Variants in SLC45A2 observed in about 807,000 individuals in gnomAD.
The protein encoded by SLC45A2 is solute carrier family 45 member 2.
SLC45A2 carries 36 observed loss-of-function variants against 45.5 expected under a neutral mutation model. The observed-to-expected ratio is 0.79, with a 90% CI of 0.61 to 1.04. The LOEUF (loss-of-function observed/expected upper bound fraction) is 1.04, where lower values mean the gene tolerates loss of function less well. Ranked by LOEUF, SLC45A2 falls within the 50% of genes least tolerant of loss-of-function variation. The pLI is 0.00. For synonymous variants in SLC45A2, 306 were observed against 269.3 expected, an observed-to-expected ratio of 1.14 and a Z score of -1.33; for missense variants, 719 against 671.0, an observed-to-expected ratio of 1.07 and a Z score of -0.79.
Position 33,954,355 on chromosome 5 carries a change from C to A in SLC45A2, c.1032+6G>T, listed in dbSNP as rs376146840. 3 of 1,613,872 alleles carry A rather than the reference C, an allele frequency of 1.9e-6. No individual in the cohort carries two copies. The African/African-American group carries it at 4.0e-5, about 22-fold the overall frequency. On this transcript the variant is annotated splice_donor_region_variant and intron_variant, in intron 4 of 6. Coordinates refer to ENST00000296589, the MANE Select transcript of SLC45A2 (RefSeq NM_016180.5). Reference sequence around the variant, plus strand: ...CAGTGATTGTGTGCACAGACACGTTCATTACCTGGCCCATGAAATCTGTGA... The same window carrying A: ...CAGTGATTGTGTGCACAGACACGTTAATTACCTGGCCCATGAAATCTGTGA...
At chr5:33,964,483 C>A (rs1280091953) in intron 2 of SLC45A2, among the ~76,000 whole-genome samples, 1 of 152,162 alleles carries the variant, frequency 6.6e-6, no homozygotes, top group African/African-American at 2.4e-5. Context: ...CTTGCAGTTT[C>A]TTATTATTAA....
chr5:33,946,386 C>A, intron 6 of SLC45A2: 1 of 985,502 alleles, frequency 1.0e-6, no homozygotes, highest in Non-Finnish European at 1.2e-6. Context: ...CAGTTTCATG[C>A]TGAGCTGGAT....
At chr5:33,964,084 A>C in intron 2 of SLC45A2, 68 bp from the exon 3 acceptor site, 4 of 1,520,646 alleles carry the variant, frequency 2.6e-6, no homozygotes, top group South Asian at 1.2e-5. Context: ...ATGCATAGAC[A>C]CTCCCCTTCA....
chr5:33,968,383 A>G (rs1579551654), intron 2 of SLC45A2, among the ~76,000 whole-genome samples: 1 of 152,130 alleles, frequency 6.6e-6, no homozygotes, highest in African/African-American at 2.4e-5. Flanking sequence ...GGAATCAATC[A>G]CCAGGCTATT....
chr5:33,964,744 G>C (rs1451331097), intron 2 of SLC45A2, among the ~76,000 whole-genome samples: 3 of 152,218 alleles, frequency 2.0e-5, no homozygotes, highest in East Asian at 1.9e-4. Flanking sequence ...CTGAGGAAAG[G>C]CTCCTCAAAA....
Position 33,959,901 on chromosome 5 carries a change from C to T in SLC45A2, c.888+3790G>A, listed in dbSNP as rs567324938. On this transcript the variant is annotated intron_variant, in intron 3 of 6. Transcript: ENST00000296589. ...ATCTCAAGGGAAAACTACTTACACA[C>T]TTTTATAACTAACAGCTAAGATGTA... 7.2e-5 allele frequency among the ~76,000 whole-genome samples: 11 copies of T among 152,254 alleles called. No homozygotes were observed. In the East Asian group the frequency reaches 1.9e-3, roughly 27 times the overall value.
intron 4 of SLC45A2, 117 bp from the exon 5 acceptor site, chr5:33,951,794 AG>A: frequency 7.9e-7 from 1 of 1,258,480 alleles, no homozygotes; most frequent in Non-Finnish European, 1.2e-6. Flanking sequence ...GACCCTTTCT[AG>A]AGTACAGAGC....
intron 2 of SLC45A2, among the ~76,000 whole-genome samples, chr5:33,981,574 C>G (rs1440340100): frequency 1.3e-5 from 2 of 152,182 alleles, no homozygotes; most frequent in Non-Finnish European, 2.9e-5. Flanking sequence ...CTCTGAGTAG[C>G]ATTGCTCTAA....
At position 33,963,950 on chromosome 5, in the gene SLC45A2, A is replaced by G. The variant is rs2111962461; in HGVS notation, c.629T>C (p.Leu210Pro). 5 of 1,614,178 alleles carry G rather than the reference A, an allele frequency of 3.1e-6. No individual in the cohort carries two copies. The highest frequency in any genetic ancestry group is 1.6e-4 in the Middle Eastern group (1 of 6,062). ...CATGACCTGGAATTCTGTACCCAACAGTCTTCCCAGCTCCAGATGGGCCCA... is the reference window on the plus strand; with the variant it reads ...CATGACCTGGAATTCTGTACCCAACGGTCTTCCCAGCTCCAGATGGGCCCA... ...IDWAHLELGRLLGTEFQVMFF... is the reference protein window; with the variant it reads ...IDWAHLELGRPLGTEFQVMFF... The change falls in exon 3 of 7, where the codon CTG becomes CCG. Residue 210 changes from leucine to proline, a missense_variant. Physicochemically the swap from Leu to Pro is moderately conservative, Grantham distance 98 (BLOSUM62 -3). Coordinates refer to ENST00000296589, the MANE Select transcript of SLC45A2 (RefSeq NM_016180.5).
At position 33,944,804 on chromosome 5, in the gene SLC45A2, G is replaced by C; in HGVS notation, c.1437C>G (p.Leu479=). 6.2e-7 allele frequency: 1 copy of C among 1,614,228 alleles called. No homozygotes were observed. The highest frequency in any genetic ancestry group is 2.2e-5 in the East Asian group (1 of 44,878). The change falls in exon 7 of 7, where the codon CTC becomes CTG. Residue 479 remains leucine, a synonymous_variant. Coordinates refer to ENST00000296589, the MANE Select transcript of SLC45A2 (RefSeq NM_016180.5). ...VRGKGMDCAT[L]TCMVQLAQIL... The stretch of plus-strand genomic sequence containing the variant: ...TCTGAGCCAGCTGCACCATGCATGT[G>C]AGGGTGGCGCAGTCCATGCCCTTCC...
chr5:33,951,784 G>T, intron 4 of SLC45A2, 107 bp from the exon 5 acceptor site: 2 of 1,405,906 alleles, frequency 1.4e-6, no homozygotes, highest in Non-Finnish European at 1.0e-6. Flanking sequence ...CTGCCTGAGG[G>T]ACCCTTTCTA....
At chr5:33,969,843 A>G (rs544374893) in intron 2 of SLC45A2, among the ~76,000 whole-genome samples, 1 of 152,178 alleles carries the variant, frequency 6.6e-6, no homozygotes, top group East Asian at 1.9e-4. Context: ...TCCTGGTCAG[A>G]CCCCATGGAG....
chr5:33,969,719 T>A (rs763692929), intron 2 of SLC45A2, among the ~76,000 whole-genome samples: 1 of 152,160 alleles, frequency 6.6e-6, no homozygotes, highest in Non-Finnish European at 1.5e-5. Flanking sequence ...TAGGCGGCGA[T>A]GGTCTTGCTG....
At chr5:33,959,084 T>C (rs1464185824) in intron 3 of SLC45A2, among the ~76,000 whole-genome samples, 1 of 152,206 alleles carries the variant, frequency 6.6e-6, no homozygotes, top group Non-Finnish European at 1.5e-5. Context: ...TTATCTATTA[T>C]AGAAATTTTG....
chr5:33,954,545 G>A (rs756452284), intron 3 of SLC45A2, 41 bp from the exon 4 acceptor site: 55 of 1,611,800 alleles, frequency 3.4e-5, no homozygotes, highest in Middle Eastern at 4.1e-4. Flanking sequence ...CTTCACTGCA[G>A]AAACTCAGCC....
intron 2 of SLC45A2, among the ~76,000 whole-genome samples, chr5:33,979,948 A>G (rs1418826134): frequency 6.6e-6 from 1 of 152,206 alleles, no homozygotes; most frequent in Non-Finnish European, 1.5e-5. Flanking sequence ...ATGTCAAGGC[A>G]GCAAAGCATG....
chr5:33,946,634 G>A, intron 6 of SLC45A2: 1 of 1,009,196 alleles, frequency 9.9e-7, no homozygotes, highest in Non-Finnish European at 1.2e-6. Context: ...CATGATTCCA[G>A]CTTTCCTTCT....
intron 3 of SLC45A2, among the ~76,000 whole-genome samples, chr5:33,963,113 G>C (rs1206396364): frequency 3.3e-5 from 5 of 151,988 alleles, no homozygotes. Context: ...TAGCCCCACG[G>C]GATTATTAGC....
chr5:33,963,309 C>T (rs567543739), intron 3 of SLC45A2, among the ~76,000 whole-genome samples: 2 of 152,288 alleles, frequency 1.3e-5, no homozygotes, highest in Admixed American at 6.5e-5. Context: ...ATGCCCAACT[C>T]AGTCACCAAC....
Sources: allele counts gnomAD v4.1 joint callset (sites outside exome capture counted in the v4.1 genomes callset), GRCh38; gene constraint gnomAD v4.1.1; transcripts MANE v1.5; gene names NCBI Gene and HGNC (gene_info 2026-07-23, HGNC 2026-07-21).